Variants in FOXN3 observed in about 807,000 individuals in gnomAD.
FOXN3 encodes forkhead box N3.
Under a neutral mutation model 38.4 loss-of-function variants are expected in FOXN3, and 7 were observed. The ratio of observed to expected loss-of-function variants is 0.18; its 90% confidence interval spans 0.10 to 0.34. The LOEUF (loss-of-function observed/expected upper bound fraction) is 0.34. Among genes scored for constraint, FOXN3 ranks in the 10% least tolerant of loss-of-function variants. FOXN3 has a pLI of 1.00. For synonymous variants in FOXN3, 230 were observed against 242.2 expected (o/e 0.95, Z 0.47); for missense variants, 456 against 613.4 (o/e 0.74, Z 2.71).
chr14:89,243,751 T>A (rs1596127087), intron 4 of FOXN3, among the ~76,000 whole-genome samples: 1 of 152,300 alleles, frequency 6.6e-6, no homozygotes, highest in East Asian at 1.9e-4. Context: ...TTCAAAAAAT[T>A]ACCTCAACAA....
intron 2 of FOXN3, among the ~76,000 whole-genome samples, chr14:89,360,741 A>G (rs1332003371): frequency 1.6e-5 from 2 of 122,774 alleles, no homozygotes; most frequent in Non-Finnish European, 3.3e-5. Flanking sequence ...CACCTCCAGC[A>G]CCACCTCCAC....
chr14:89,171,947 T>C (rs1234089360), intron 5 of FOXN3, among the ~76,000 whole-genome samples: 2 of 152,260 alleles, frequency 1.3e-5, no homozygotes, highest in East Asian at 3.9e-4. Context: ...ACAAAAGATA[T>C]GATTTGTGCA....
At chr14:89,297,929 G>A (rs1356046977) in intron 3 of FOXN3, among the ~76,000 whole-genome samples, 2 of 152,174 alleles carry the variant, frequency 1.3e-5, no homozygotes, top group African/African-American at 2.4e-5. Context: ...AAGTTACAGT[G>A]AGCTATAATC....
Position 89,198,169 on chromosome 14 carries a change from C to T in FOXN3, c.746-17363G>A, listed in dbSNP as rs553127548. Reference sequence around the variant, plus strand: ...GTATACTATGTAGTGAGATGATGGCCGCGTCTGTACTGAACATGTTCAGGC... The same window carrying T: ...GTATACTATGTAGTGAGATGATGGCTGCGTCTGTACTGAACATGTTCAGGC... On this transcript the variant is annotated intron_variant, in intron 4 of 5. Transcript: ENST00000557258. Among the ~76,000 whole-genome samples the T allele has an allele frequency of 2.6e-5, 4 of 152,160 alleles. No individual in the cohort carries two copies. The South Asian group carries it at 6.2e-4, about 24-fold the overall frequency.
intron 4 of FOXN3, among the ~76,000 whole-genome samples, chr14:89,231,467 G>A (rs1884805642): frequency 6.6e-6 from 1 of 152,274 alleles, no homozygotes; most frequent in East Asian, 1.9e-4. Flanking sequence ...TGATCCAAGA[G>A]GGAGGGTGGC....
Position 89,162,620 on chromosome 14 carries a change from G to C in FOXN3, c.1201C>G (p.His401Asp). The change falls in exon 6 of 6, where the codon CAC becomes GAC. Residue 401 changes from histidine to aspartate, a missense_variant. Coordinates refer to ENST00000557258, the MANE Select transcript of FOXN3 (RefSeq NM_005197.4). The surrounding 1 kb of genome is among the most constrained non-coding windows in gnomAD (Gnocchi z 7.2). ...GYASQHKKRQHFAKARKVPSD... is the reference protein window; with the variant it reads ...GYASQHKKRQDFAKARKVPSD... The stretch of plus-strand genomic sequence containing the variant: ...GGGACCTTCCTGGCCTTGGCGAAGT[G>C]CTGGCGCTTCTTGTGCTGGGATGCG... 1 of 1,613,928 alleles carries C rather than the reference G, an allele frequency of 6.2e-7. No homozygotes were observed.
chr14:89,216,153 G>T (rs1232156897), intron 4 of FOXN3, among the ~76,000 whole-genome samples: 1 of 152,156 alleles, frequency 6.6e-6, no homozygotes, highest in Non-Finnish European at 1.5e-5. Context: ...ACTTACAGAG[G>T]ACTTCCTGTG....
At chr14:89,260,682 A>C (rs1268929466) in intron 4 of FOXN3, among the ~76,000 whole-genome samples, 1 of 152,220 alleles carries the variant, frequency 6.6e-6, no homozygotes, top group Non-Finnish European at 1.5e-5. Flanking sequence ...AACTAGGCTC[A>C]AAGAGGGGCC....
chr14:89,418,170 T>G (rs1158948781), upstream of FOXN3, among the ~76,000 whole-genome samples: 1 of 152,030 alleles, frequency 6.6e-6, no homozygotes, highest in Non-Finnish European at 1.5e-5. Flanking sequence ...GATTGCACAT[T>G]ACTCCCAGGT....
intron 4 of FOXN3, among the ~76,000 whole-genome samples, chr14:89,194,380 T>A (rs1206685547): frequency 6.6e-6 from 1 of 152,176 alleles, no homozygotes; most frequent in South Asian, 2.1e-4. Flanking sequence ...CACTCAGACC[T>A]CTTTCCTTAA....
intron 3 of FOXN3, among the ~76,000 whole-genome samples, chr14:89,330,678 G>C (rs1215792342): frequency 6.6e-6 from 1 of 152,234 alleles, no homozygotes; most frequent in South Asian, 2.1e-4. Context: ...CATTCCAAAA[G>C]CAAATTGTGG....
At chr14:89,524,330 G>A (rs866361314) in intron 1 of FOXN3, among the ~76,000 whole-genome samples, 28 of 112,926 alleles carry the variant, frequency 2.5e-4, no homozygotes, top group African/African-American at 6.6e-4. Context: ...AGCCGAGATC[G>A]CACCACTGCA....
intron 2 of FOXN3, among the ~76,000 whole-genome samples, chr14:89,368,995 C>T (rs547948407): frequency 1.3e-5 from 2 of 152,142 alleles, no homozygotes; most frequent in African/African-American, 2.4e-5. Flanking sequence ...CTGACAATGC[C>T]GAAGTGCCCT....
intron 4 of FOXN3, among the ~76,000 whole-genome samples, chr14:89,204,030 G>A (rs372990487): frequency 6.7e-5 from 10 of 148,230 alleles, no homozygotes; most frequent in Admixed American, 4.1e-4. Context: ...AAGAAATACC[G>A]GTATAACCAG....
chr14:89,444,384 T>C (rs1466853931), intron 1 of FOXN3, among the ~76,000 whole-genome samples: 1 of 150,756 alleles, frequency 6.6e-6, no homozygotes, highest in Non-Finnish European at 1.5e-5. Flanking sequence ...CACTGCTAAA[T>C]AAGCAAAATG....
chr14:89,372,506 CTA>C (rs1465086501), intron 2 of FOXN3, among the ~76,000 whole-genome samples: 1 of 152,146 alleles, frequency 6.6e-6, no homozygotes, highest in Non-Finnish European at 1.5e-5. Context: ...ACCTGAGCCA[CTA>C]TATAGAGTTG....
chr14:89,325,189 C>A (rs1473649202), intron 3 of FOXN3, among the ~76,000 whole-genome samples: 1 of 151,104 alleles, frequency 6.6e-6, no homozygotes, highest in African/African-American at 2.4e-5. Context: ...CGGGCTCCTG[C>A]TCCCATGCCC....
At chr14:89,420,633 G>C (rs1042803475), upstream of FOXN3, among the ~76,000 whole-genome samples, 2 of 152,186 alleles carry the variant, frequency 1.3e-5, no homozygotes, top group Non-Finnish European at 2.9e-5. Context: ...CTTGATTGTA[G>C]TAGAAGAGGA....
intron 1 of FOXN3, among the ~76,000 whole-genome samples, chr14:89,570,029 C>T (rs1895459006): frequency 6.7e-6 from 1 of 149,762 alleles, no homozygotes; most frequent in South Asian, 2.1e-4. Context: ...GAGACGGAGT[C>T]TCACTCTGTC....
Sources: allele counts gnomAD v4.1 joint callset (sites outside exome capture counted in the v4.1 genomes callset), GRCh38; gene constraint gnomAD v4.1.1; non-coding constraint Gnocchi (gnomAD v3.1); transcripts MANE v1.5; gene names NCBI Gene and HGNC (gene_info 2026-07-23, HGNC 2026-07-21).